Variants in NUDT3 observed in about 807,000 individuals in gnomAD.
NUDT3 encodes the protein nudix hydrolase 3.
A neutral mutation model predicts 23.6 loss-of-function variants in NUDT3; 9 were observed. That is an observed-to-expected ratio of 0.38 (90% CI 0.23 to 0.66). The LOEUF (loss-of-function observed/expected upper bound fraction) is 0.66, where lower values mean the gene tolerates loss of function less well. Ranked by LOEUF, NUDT3 falls within the 30% of genes least tolerant of loss-of-function variation. The pLI is 0.52. For missense variants in NUDT3, 172 were observed against 218.5 expected (o/e 0.79, Z 1.34); for synonymous variants, 86 against 82.6 (o/e 1.04, Z -0.22).
chr6:34,346,311 C>A (rs1764369120), intron 1 of NUDT3, among the ~76,000 whole-genome samples: 1 of 152,138 alleles, frequency 6.6e-6, no homozygotes, highest in Non-Finnish European at 1.5e-5. Flanking sequence ...ATGGGTTAAT[C>A]CTCCAGTGAC....
intron 2 of NUDT3, among the ~76,000 whole-genome samples, chr6:34,331,937 C>T (rs1317007539): frequency 6.6e-6 from 1 of 152,132 alleles, no homozygotes; most frequent in Non-Finnish European, 1.5e-5. Flanking sequence ...AATGCACTGG[C>T]ACAATCATGG....
At chr6:34,322,375 A>G (rs1284473651) in intron 2 of NUDT3, among the ~76,000 whole-genome samples, 7 of 151,902 alleles carry the variant, frequency 4.6e-5, no homozygotes, top group Non-Finnish European at 7.4e-5. Flanking sequence ...GGCTATAGGC[A>G]CCCGCCACCA....
chr6:34,335,286 G>A (rs902520602), intron 2 of NUDT3, among the ~76,000 whole-genome samples: 1 of 152,200 alleles, frequency 6.6e-6, no homozygotes, highest in Non-Finnish European at 1.5e-5. Context: ...AACGGGGTCA[G>A]TGTGGCCTAT....
intron 2 of NUDT3, among the ~76,000 whole-genome samples, chr6:34,330,039 C>T (rs140813116): frequency 1.1e-4 from 17 of 152,316 alleles, no homozygotes; most frequent in African/African-American, 4.1e-4. Flanking sequence ...TTTCTTAATC[C>T]AGTCTATCAT....
chr6:34,300,364 G>C (rs541714420), intron 2 of NUDT3, among the ~76,000 whole-genome samples: 3 of 152,190 alleles, frequency 2.0e-5, no homozygotes, highest in African/African-American at 4.8e-5. Flanking sequence ...CCCTTCCCTT[G>C]CTGCTACCAG....
chr6:34,290,400 TC>T (rs548181007), intron 4 of NUDT3, among the ~76,000 whole-genome samples: 1 of 144,158 alleles, frequency 6.9e-6, no homozygotes, highest in Non-Finnish European at 1.5e-5. Context: ...TGCTGCTGCT[TC>T]TTTTTTTTTT....
chr6:34,381,161 C>T (rs1298919754), intron 1 of NUDT3, among the ~76,000 whole-genome samples: 6 of 152,170 alleles, frequency 3.9e-5, no homozygotes, highest in South Asian at 2.1e-4. Context: ...GGACCACAGG[C>T]GCACACCACC....
intron 2 of NUDT3, among the ~76,000 whole-genome samples, chr6:34,319,008 G>C (rs536509868): frequency 1.3e-5 from 2 of 151,374 alleles, no homozygotes; most frequent in Non-Finnish European, 2.9e-5. Flanking sequence ...AGGAGAGATA[G>C]GGCTTTTCTA....
intron 2 of NUDT3, among the ~76,000 whole-genome samples, chr6:34,320,696 C>T (rs1002541939): frequency 2.2e-4 from 33 of 152,144 alleles, no homozygotes; most frequent in African/African-American, 7.0e-4. Context: ...ATTAGCCAGG[C>T]GTGGTGGCAT....
intron 4 of NUDT3, 121 bp downstream of exon 4, chr6:34,293,329 TG>T: frequency 8.6e-7 from 1 of 1,156,562 alleles, no homozygotes; most frequent in Non-Finnish European, 1.3e-6. Context: ...TCCAAAGTAC[TG>T]GGGTTATAGG....
Position 34,282,684 on chromosome 6 carries a change from G to C in NUDT3, c.*6069C>G, listed in dbSNP as rs1763292036. The C allele has an allele frequency of 1.3e-5, 2 of 152,196 alleles. No homozygotes were observed. The highest frequency in any genetic ancestry group is 4.1e-4 in the South Asian group (2 of 4,836). The allele number at this position is 152,196 out of a possible 1,614,324, so 9.4% of individuals were successfully genotyped here. ...GGCTGGGAGGCTTGGGGGCAGGAAA[G>C]GGAGGGTGGAAGGATGGGTAGCACA... On this transcript the variant is annotated 3_prime_UTR_variant, in exon 5 of 5. Transcript: ENST00000607016.
chr6:34,358,136 G>A (rs563332545), intron 1 of NUDT3, among the ~76,000 whole-genome samples: 2 of 152,114 alleles, frequency 1.3e-5, no homozygotes, highest in Admixed American at 1.3e-4. Context: ...ATCACAGTCT[G>A]CAATATGGTT....
rs1291896216 is a variant in NUDT3 at position 34,319,583 on chromosome 6, C to CT, written c.210+22278dup. Among the ~76,000 whole-genome samples, 8 of 152,312 alleles carry CT rather than the reference C, an allele frequency of 5.3e-5. No homozygotes were observed. In the East Asian group the frequency reaches 1.5e-3, roughly 29 times the overall value. On this transcript the variant is annotated intron_variant, in intron 2 of 4. Transcript: ENST00000607016. ...CAGTTACCCAGAAGCTCCCTGAACT[C>CT]TGTCCTCTTAGGCCTTTTATGGAGA... is the stretch of plus-strand genomic sequence containing the variant.
chr6:34,281,326 G>C lies in NUDT3; in HGVS notation c.*7427C>G, dbSNP rs1763275764. On this transcript the variant is annotated 3_prime_UTR_variant, in exon 5 of 5. Coordinates refer to ENST00000607016, the MANE Select transcript of NUDT3 (RefSeq NM_006703.4). Reference sequence around the variant, plus strand: ...ATGGAGGCTGGGCTGGCAAAAGTAAGTATGAAGATGCTACTACTGGCCTTC... The same window carrying C: ...ATGGAGGCTGGGCTGGCAAAAGTAACTATGAAGATGCTACTACTGGCCTTC... 6.6e-6 allele frequency: 1 copy of C among 152,218 alleles called. No individual in the cohort carries two copies. The highest frequency in any genetic ancestry group is 1.5e-5 in the Non-Finnish European group (1 of 68,046). 9.4% of individuals were successfully genotyped at this position (152,218 alleles called of 1,614,324 possible).
intron 2 of NUDT3, among the ~76,000 whole-genome samples, chr6:34,337,974 A>G (rs1764232951): frequency 6.6e-6 from 1 of 152,232 alleles, no homozygotes; most frequent in Non-Finnish European, 1.5e-5. Context: ...AATCAAAATT[A>G]TTCAGTTTAG....
At chr6:34,382,330 A>C (rs1765033743) in intron 1 of NUDT3, among the ~76,000 whole-genome samples, 1 of 151,238 alleles carries the variant, frequency 6.6e-6, no homozygotes, top group African/African-American at 2.4e-5. Context: ...TTGCGCCCGG[A>C]AGGTTGGGGC....
intron 1 of NUDT3, among the ~76,000 whole-genome samples, chr6:34,350,181 A>G (rs968563030): frequency 2.0e-5 from 3 of 151,024 alleles, no homozygotes; most frequent in Non-Finnish European, 4.4e-5. Context: ...ATGACTGGAC[A>G]TATTACTGAT....
In NUDT3 at chr6:34,285,411, A is replaced by G. The variant is rs1302347566; in HGVS notation, c.*3342T>C. ...CCAATGACTGTAATTTATAAACTAA[A>G]AATTTTTACAAATCCACTGCTATCT... is the stretch of plus-strand genomic sequence containing the variant. On this transcript the variant is annotated 3_prime_UTR_variant, in exon 5 of 5. Coordinates refer to ENST00000607016, the MANE Select transcript of NUDT3 (RefSeq NM_006703.4). 2.6e-5 allele frequency: 4 copies of G among 152,148 alleles called. No homozygotes were observed. The highest frequency in any genetic ancestry group is 4.4e-5 in the Non-Finnish European group (3 of 68,034). 9.4% of individuals were successfully genotyped at this position (152,148 alleles called of 1,614,324 possible).
chr6:34,335,224 C>T (rs973427695), intron 2 of NUDT3, among the ~76,000 whole-genome samples: 8 of 152,164 alleles, frequency 5.3e-5, no homozygotes, highest in African/African-American at 1.9e-4. Flanking sequence ...GCTGTGTGAA[C>T]TCCATGACCC....
Sources: gnomAD v4.1 joint callset for allele counts (sites outside exome capture counted in the v4.1 genomes callset) on GRCh38, gnomAD v4.1.1 for gene constraint, MANE v1.5 for transcripts, NCBI Gene and HGNC (gene_info 2026-07-23, HGNC 2026-07-21) for gene names.